Variants in TMPRSS4 observed in about 807,000 individuals in gnomAD.
The protein encoded by TMPRSS4 is transmembrane serine protease 4, also known as transmembrane protease serine 4.
In TMPRSS4, 45 loss-of-function variants were observed where a neutral mutation model predicts 56.4. The ratio of observed to expected loss-of-function variants is 0.80; its 90% CI spans 0.63 to 1.02. The LOEUF (loss-of-function observed/expected upper bound fraction) is 1.02. Among genes scored for constraint, TMPRSS4 ranks in the 50% least tolerant of loss-of-function variants. The pLI, the probability that TMPRSS4 is intolerant of heterozygous loss-of-function variation, is 0.00. For synonymous variants in TMPRSS4, 205 were observed against 211.0 expected (o/e 0.97, Z 0.25); for missense variants, 546 against 556.7 (o/e 0.98, Z 0.19).
chr11:118,105,021 G>A (rs1460774233), intron 5 of TMPRSS4, among the ~76,000 whole-genome samples: 2 of 152,120 alleles, frequency 1.3e-5, no homozygotes, highest in African/African-American at 2.4e-5. Context: ...TTAATTGGGG[G>A]AACTAATGCC....
chr11:118,118,289 T>G lies in TMPRSS4; in HGVS notation c.*376T>G, dbSNP rs1406478633. On this transcript the variant is annotated 3_prime_UTR_variant, in exon 13 of 13. Coordinates refer to ENST00000437212, the MANE Select transcript of TMPRSS4 (RefSeq NM_019894.4). ...GGCTGGAGAGGAGAAGGAAAGGGTC[T>G]GCGCCAGCCCTGTCCGTCTTCACCC... 3 of 1,142,180 alleles carry G rather than the reference T, an allele frequency of 2.6e-6. No homozygotes were observed. Among genetic ancestry groups the G allele is most frequent in the Non-Finnish European group, 3.2e-6 (3 of 928,650 alleles). 70.8% of individuals were successfully genotyped at this position (1,142,180 alleles called of 1,614,324 possible).
rs1947783093 is a variant in TMPRSS4 at position 118,121,280 on chromosome 11, C to T, written c.*3367C>T. The T allele has an allele frequency of 6.6e-6, 1 of 152,194 alleles. No individual in the cohort carries two copies. The allele number at this position is 152,194 out of a possible 1,614,324, so 9.4% of individuals were successfully genotyped here. A position where few individuals can be genotyped will look rare whatever the true frequency, so the allele number is the denominator to read the frequency against. Reference sequence around the variant, plus strand: ...GATCCTAAAAGGAAGAACCAAGAAGCAAGTAGCAATAGTGAGGCAATTGTG... The same window carrying T: ...GATCCTAAAAGGAAGAACCAAGAAGTAAGTAGCAATAGTGAGGCAATTGTG... On this transcript the variant is annotated 3_prime_UTR_variant, in exon 13 of 13. Transcript: ENST00000437212.
intron 3 of TMPRSS4, among the ~76,000 whole-genome samples, chr11:118,099,323 A>G (rs1487863326): frequency 1.3e-5 from 2 of 148,340 alleles, no homozygotes; most frequent in East Asian, 4.1e-4. Context: ...TCACCCCCTC[A>G]GTAAGTGGCA....
At chr11:118,123,814 G>T (rs532564843), downstream of TMPRSS4, among the ~76,000 whole-genome samples, 4 of 152,154 alleles carry the variant, frequency 2.6e-5, no homozygotes, top group African/African-American at 9.6e-5. Flanking sequence ...GTGAGCCACC[G>T]TGCCCGGCCA....
chr11:118,124,309 C>G (rs780913741), downstream of TMPRSS4, among the ~76,000 whole-genome samples: 2 of 152,074 alleles, frequency 1.3e-5, no homozygotes, highest in East Asian at 3.9e-4. Flanking sequence ...TGCTTGAACC[C>G]GGGAGGCGGA....
chr11:118,100,300 G>A (rs991601333), intron 3 of TMPRSS4, among the ~76,000 whole-genome samples: 1 of 152,260 alleles, frequency 6.6e-6, no homozygotes, highest in Admixed American at 6.5e-5. Flanking sequence ...ACATGCATTT[G>A]CTAATTGGGG....
At chr11:118,084,854 TG>T (rs1305725238) in intron 1 of TMPRSS4, among the ~76,000 whole-genome samples, 5 of 152,184 alleles carry the variant, frequency 3.3e-5, no homozygotes, top group African/African-American at 1.2e-4. Context: ...CAAGACTTCA[TG>T]GCTGGGAAGA....
intron 2 of TMPRSS4, 90 bp downstream of exon 2, chr11:118,094,945 C>A: frequency 7.4e-7 from 1 of 1,346,618 alleles, no homozygotes; most frequent in Non-Finnish European, 1.0e-6. Context: ...CTGGCCCTCA[C>A]CACCACCACC....
rs183621791 is a variant in TMPRSS4, at chr11:118,104,739, C to A, written c.359C>A (p.Thr120Lys). 6.2e-7 allele frequency: 1 copy of A among 1,614,222 alleles called. No homozygotes were observed. The highest frequency in any genetic ancestry group is 1.7e-5 in the Admixed American group (1 of 60,026). The change falls in exon 5 of 13, where the codon ACA becomes AAA. Residue 120 changes from threonine to lysine, a missense_variant. Thr to Lys is a moderately conservative substitution (Grantham distance 78, BLOSUM62 -1). Coordinates refer to ENST00000437212, the MANE Select transcript of TMPRSS4 (RefSeq NM_019894.4). ...ACACTGCAGGTGCTGGACTCGGCCA[C>A]AGGGAACTGGTTCTCTGCCTGTTTC... ...RSTLQVLDSA[T>K]GNWFSACFDN... is the part of the protein sequence containing the mutation.
intron 2 of TMPRSS4, among the ~76,000 whole-genome samples, chr11:118,097,011 A>AAG (rs1491566795): frequency 8.4e-6 from 1 of 118,420 alleles, no homozygotes; most frequent in African/African-American, 3.6e-5. Flanking sequence ...AAAGAAAGAA[A>AAG]GAAAGAAAGA....
At chr11:118,108,082 A>G in intron 6 of TMPRSS4, 1 of 546,850 alleles carries the variant, frequency 1.8e-6, no homozygotes, top group East Asian at 3.0e-5. Context: ...TTTTTAATAC[A>G]ATGGACAGCT....
At position 118,117,387 on chromosome 11, in the gene TMPRSS4, G is replaced by T. The variant is rs769911991; in HGVS notation, c.1235G>T (p.Gly412Val). ...GIVSWGYGCG[G>V]PSTPGVYTKV... is the part of the protein sequence containing the mutation. ...GTTAGTTGGGGCTATGGCTGCGGGG[G>T]CCCGAGCACCCCAGGAGTATACACC... is the stretch of plus-strand genomic sequence containing the variant. The change falls in exon 12 of 13, where the codon GGC (glycine) becomes GTC (valine). Residue 412 changes from glycine (G) to valine (V), a missense_variant. By Grantham distance (109) the Gly-to-Val change is moderately radical. Transcript: ENST00000437212. 6.2e-7 allele frequency: 1 copy of T among 1,613,970 alleles called. No individual in the cohort carries two copies. The highest frequency in any genetic ancestry group is 1.3e-5 in the African/African-American group (1 of 74,898).
intron 3 of TMPRSS4, among the ~76,000 whole-genome samples, chr11:118,102,659 A>C (rs1439955358): frequency 6.6e-6 from 1 of 152,222 alleles, no homozygotes; most frequent in African/African-American, 2.4e-5. Flanking sequence ...CAGTGAGCCA[A>C]GATCCCGCCA....
chr11:118,108,942 G>A, intron 7 of TMPRSS4, 46 bp downstream of exon 7: 2 of 1,599,372 alleles, frequency 1.3e-6, no homozygotes, highest in South Asian at 2.2e-5. Flanking sequence ...GGCCAGCAAT[G>A]AGCAGGGAGG....
intron 1 of TMPRSS4, among the ~76,000 whole-genome samples, chr11:118,085,618 G>A (rs1168038310): frequency 6.6e-6 from 1 of 152,182 alleles, no homozygotes; most frequent in African/African-American, 2.4e-5. Flanking sequence ...CTCCATGGAT[G>A]GCAGGTCCTC....
downstream of TMPRSS4, among the ~76,000 whole-genome samples, chr11:118,122,459 C>T (rs778072639): frequency 6.6e-6 from 1 of 152,076 alleles, no homozygotes; most frequent in African/African-American, 2.4e-5. Context: ...TACATAATCA[C>T]GAAAGTTTCA....
At chr11:118,091,712 TC>T (rs34055851) in intron 1 of TMPRSS4, among the ~76,000 whole-genome samples, 12,858 of 152,266 alleles carry the variant, frequency 0.084, 624 homozygotes, top group Middle Eastern at 0.13. Context: ...ATGCTGCCCA[TC>T]CTGGTTGGCA....
rs1241238048 is a variant in TMPRSS4, at chr11:118,078,174, G to A, written c.3+869G>A. 5.9e-5 allele frequency among the ~76,000 whole-genome samples: 9 copies of A among 152,130 alleles called. No individual in the cohort carries two copies. In the South Asian group the frequency reaches 1.2e-3, roughly 21 times the overall value. The stretch of plus-strand genomic sequence containing the variant: ...TCCTCTGAATACCTGGAGCGTCTTC[G>A]CTGTCTTGGGGCAAAGAGAATCAAC... On this transcript the variant is annotated intron_variant, in intron 1 of 12. Coordinates refer to ENST00000437212, the MANE Select transcript of TMPRSS4 (RefSeq NM_019894.4).
At chr11:118,122,852 T>C (rs1009298923), downstream of TMPRSS4, among the ~76,000 whole-genome samples, 4 of 152,128 alleles carry the variant, frequency 2.6e-5, no homozygotes, top group Admixed American at 6.5e-5. Flanking sequence ...AGGTGGGACT[T>C]TGGGGGCTGA....
Sources: allele counts gnomAD v4.1 joint callset (sites outside exome capture counted in the v4.1 genomes callset), GRCh38; gene constraint gnomAD v4.1.1; transcripts MANE v1.5; gene names NCBI Gene and HGNC (gene_info 2026-07-23, HGNC 2026-07-21).